The following SND1 variants were observed in gnomAD, a reference collection of about 807,000 sequenced individuals.
SND1 encodes staphylococcal nuclease domain-containing protein 1.
SND1 carries 38 observed loss-of-function variants against 121.7 expected under a neutral mutation model. The ratio of observed to expected loss-of-function variants is 0.31; its 90% CI spans 0.24 to 0.41. The LOEUF is 0.41. Among genes scored for constraint, SND1 ranks in the 10% least tolerant of loss-of-function variants. The probability of loss-of-function intolerance (pLI) is 1.00; values close to 1 mark genes in which losing one functional copy is unlikely to be tolerated. For missense variants in SND1, 868 were observed against 1,184.6 expected (o/e 0.73, Z 3.92); for synonymous variants, 401 against 447.4 (o/e 0.90, Z 1.31).
At chr7:127,971,747 G>A (rs767696399) in intron 15 of SND1, among the ~76,000 whole-genome samples, 84 of 151,742 alleles carry the variant, frequency 5.5e-4, no homozygotes, top group East Asian at 3.9e-4. Context: ...TACACAAGTC[G>A]TAAGTATACA....
intron 10 of SND1, among the ~76,000 whole-genome samples, chr7:127,744,131 A>G (rs1390823794): frequency 6.6e-6 from 1 of 152,172 alleles, no homozygotes; most frequent in Non-Finnish European, 1.5e-5. Flanking sequence ...TTATTTAGCA[A>G]AGCGATCATG....
chr7:127,875,050 GACA>G (rs758746725), intron 12 of SND1, among the ~76,000 whole-genome samples: 4 of 152,094 alleles, frequency 2.6e-5, no homozygotes, highest in Non-Finnish European at 5.9e-5. Context: ...TTTTCTTTTA[GACA>G]ACAACTCATT....
chr7:128,059,743 C>G (rs28620064), intron 16 of SND1, among the ~76,000 whole-genome samples: 1 of 152,110 alleles, frequency 6.6e-6, no homozygotes, highest in Non-Finnish European at 1.5e-5. Context: ...TGGAAGCTGT[C>G]TTTGTTAGGA....
At chr7:127,779,550 T>C (rs1315106924) in intron 10 of SND1, among the ~76,000 whole-genome samples, 1 of 152,248 alleles carries the variant, frequency 6.6e-6, no homozygotes, top group African/African-American at 2.4e-5. Flanking sequence ...CTTTATATAC[T>C]GTTTGCTCCG....
chr7:127,819,857 C>G (rs571486829), intron 11 of SND1, among the ~76,000 whole-genome samples: 1 of 152,164 alleles, frequency 6.6e-6, no homozygotes, highest in African/African-American at 2.4e-5. Flanking sequence ...GATGTGATGG[C>G]TATGTGTCAC....
chr7:127,817,953 G>A (rs909652242), intron 11 of SND1, among the ~76,000 whole-genome samples: 6 of 151,876 alleles, frequency 4.0e-5, no homozygotes, highest in Admixed American at 6.6e-5. Context: ...TGACAATGAC[G>A]TCGAGATCCT....
intron 10 of SND1, among the ~76,000 whole-genome samples, chr7:127,744,498 C>T (rs1796943143): frequency 6.6e-6 from 1 of 152,138 alleles, no homozygotes; most frequent in East Asian, 1.9e-4. Flanking sequence ...AATGCTGTTG[C>T]CTGATTGGGC....
intron 11 of SND1, among the ~76,000 whole-genome samples, chr7:127,825,349 TCCAC>T (rs1332099299): frequency 2.6e-5 from 4 of 152,072 alleles, no homozygotes; most frequent in Non-Finnish European, 4.4e-5. Context: ...GACCACATGA[TCCAC>T]CTGCCTTGGC....
In SND1 at chr7:127,758,423, C is replaced by T. The variant is rs531035773; in HGVS notation, c.1152+37023C>T. Among the ~76,000 whole-genome samples the T allele has an allele frequency of 1.4e-4, 21 of 152,316 alleles. 1 individual carries two copies. In the East Asian group the frequency reaches 2.7e-3, roughly 20 times the overall value. ...TCTGTAGAAAGTCAGTTAGAAAAGA[C>T]ACATCCCCTATCCTCAAGGAATTCC... On this transcript the variant is annotated intron_variant, in intron 10 of 23. Coordinates refer to ENST00000354725, the MANE Select transcript of SND1 (RefSeq NM_014390.4).
chr7:128,055,832 C>T (rs557590437), intron 16 of SND1, among the ~76,000 whole-genome samples: 41 of 152,292 alleles, frequency 2.7e-4, no homozygotes, highest in African/African-American at 4.8e-4. Flanking sequence ...CTTCATCCCC[C>T]ACTCGCTGGG....
chr7:127,826,668 A>T (rs1010256905), intron 11 of SND1, among the ~76,000 whole-genome samples: 7 of 151,994 alleles, frequency 4.6e-5, no homozygotes, highest in African/African-American at 1.7e-4. Flanking sequence ...TCCCTTTTTT[A>T]TCTTAAATAC....
At position 128,085,932 on chromosome 7, in the gene SND1, C is replaced by A. The variant is rs1345157571; in HGVS notation, c.2304+152C>A. The A allele has an allele frequency of 1.3e-5, 9 of 687,048 alleles. No individual in the cohort carries two copies. The highest frequency in any genetic ancestry group is 2.0e-5 in the Non-Finnish European group (8 of 405,484). The allele number at this position is 687,048 out of a possible 1,614,324, so 42.6% of individuals were successfully genotyped here. A position where few individuals can be genotyped will look rare whatever the true frequency, so the allele number is the denominator to read the frequency against. On this transcript the variant is annotated intron_variant, in intron 20 of 23. Transcript: ENST00000354725. The surrounding 1 kb of genome is among the most constrained non-coding windows in gnomAD (Gnocchi z 4.4). ...CTGTGCGTGTAACAGGCCAGGCCCC[C>A]TCAGTGACCTGGCAAAACTGGGGTC... is the stretch of plus-strand genomic sequence containing the variant.
intron 16 of SND1, among the ~76,000 whole-genome samples, chr7:128,046,488 T>A (rs1162782534): frequency 2.7e-5 from 4 of 150,736 alleles, no homozygotes; most frequent in Non-Finnish European, 4.4e-5. Flanking sequence ...CTCAGCCTCC[T>A]AAGTAGCTGG....
chr7:128,030,807 A>G (rs1404964973), intron 16 of SND1: 4 of 856,124 alleles, frequency 4.7e-6, no homozygotes, highest in African/African-American at 1.7e-5. Context: ...AAATCCTGCC[A>G]AACTCGAGCG....
At chr7:128,054,926 G>A (rs753741308) in intron 16 of SND1, among the ~76,000 whole-genome samples, 4 of 152,252 alleles carry the variant, frequency 2.6e-5, no homozygotes, top group Non-Finnish European at 5.9e-5. Context: ...TCTCTGTGAT[G>A]TGGGGAAAGC....
At chr7:127,814,492 A>G (rs1234167513) in intron 11 of SND1, among the ~76,000 whole-genome samples, 1 of 152,094 alleles carries the variant, frequency 6.6e-6, no homozygotes, top group Admixed American at 6.5e-5. Context: ...GTGAGGCTGG[A>G]TGCAGATGTG....
chr7:127,938,348 A>G (rs1047909977), intron 15 of SND1, among the ~76,000 whole-genome samples: 10 of 152,220 alleles, frequency 6.6e-5, no homozygotes, highest in African/African-American at 2.4e-4. Context: ...GATGATACAT[A>G]AATTAGTAGG....
At chr7:127,894,202 A>G (rs1456073155) in intron 13 of SND1, among the ~76,000 whole-genome samples, 1 of 152,064 alleles carries the variant, frequency 6.6e-6, no homozygotes, top group South Asian at 2.1e-4. Context: ...TAAGTTCCAT[A>G]TGTTTGTAGC....
intron 7 of SND1, among the ~76,000 whole-genome samples, chr7:127,704,355 A>T (rs1467642252): frequency 6.6e-6 from 1 of 152,198 alleles, no homozygotes; most frequent in African/African-American, 2.4e-5. Flanking sequence ...GCCCTGCCAG[A>T]TGGCTCTGTG....
Sources: gnomAD v4.1 joint callset for allele counts (sites outside exome capture counted in the v4.1 genomes callset) on GRCh38, gnomAD v4.1.1 for gene constraint, Gnocchi (gnomAD v3.1) non-coding constraint, MANE v1.5 for transcripts, NCBI Gene and HGNC (gene_info 2026-07-23, HGNC 2026-07-21) for gene names.